Variants in WDFY2 observed in about 807,000 individuals in gnomAD.
The protein encoded by WDFY2 is WD repeat and FYVE domain-containing protein 2.
In WDFY2, 36 loss-of-function variants were observed where a neutral mutation model predicts 56.4. The ratio of observed to expected loss-of-function variants is 0.64; its 90% CI spans 0.49 to 0.84. WDFY2 has a LOEUF of 0.84. WDFY2 is among the 40% of genes least tolerant of loss of function. The pLI is 0.00. For synonymous variants in WDFY2, 176 were observed against 183.7 expected (o/e 0.96, Z 0.34); for missense variants, 444 against 512.2 (o/e 0.87, Z 1.29).
At chr13:51,651,023 G>A (rs1231797866) in intron 1 of WDFY2, among the ~76,000 whole-genome samples, 3 of 152,164 alleles carry the variant, frequency 2.0e-5, no homozygotes, top group South Asian at 2.1e-4. Flanking sequence ...GGTAGAATTC[G>A]GCTGTGACTG....
chr13:51,730,936 A>C (rs1158586329), intron 6 of WDFY2, among the ~76,000 whole-genome samples: 1 of 152,218 alleles, frequency 6.6e-6, no homozygotes, highest in East Asian at 1.9e-4. Context: ...CACTGAGACC[A>C]TGCTGGGCAT....
At chr13:51,662,254 C>T (rs549377313) in intron 2 of WDFY2, among the ~76,000 whole-genome samples, 14 of 152,302 alleles carry the variant, frequency 9.2e-5, no homozygotes, top group African/African-American at 2.6e-4. Flanking sequence ...GCATGAGCCA[C>T]CACGCCTAGC....
intron 4 of WDFY2, among the ~76,000 whole-genome samples, chr13:51,713,514 G>T (rs1422480544): frequency 6.6e-6 from 1 of 152,114 alleles, no homozygotes; most frequent in Non-Finnish European, 1.5e-5. Context: ...ACCTTAAAAG[G>T]GTAGGAAGTT....
At chr13:51,691,540 C>T (rs1396685996) in intron 3 of WDFY2, among the ~76,000 whole-genome samples, 13 of 151,518 alleles carry the variant, frequency 8.6e-5, no homozygotes, top group Middle Eastern at 3.4e-3. Flanking sequence ...GGCTCTGTTC[C>T]GTTCCATTGA....
chr13:51,695,512 G>A (rs1055774427), intron 3 of WDFY2, among the ~76,000 whole-genome samples: 2 of 152,164 alleles, frequency 1.3e-5, no homozygotes, highest in Admixed American at 1.3e-4. Flanking sequence ...TCATGAACCG[G>A]GAATGCTGCT....
chr13:51,677,682 G>A lies in WDFY2; in HGVS notation c.279+2439G>A, dbSNP rs190980013. 3.2e-3 allele frequency among the ~76,000 whole-genome samples: 481 copies of A among 152,254 alleles called. 3 individuals are homozygous for A. The highest frequency in any genetic ancestry group is 0.011 in the African/African-American group (464 of 41,550). ...TAGACAGTTAAACTTAGGCAGCTGA[G>A]TAGTGAATTAGAGATGAAGTAGAAA... On this transcript the variant is annotated intron_variant, in intron 3 of 11. Coordinates refer to ENST00000298125, the MANE Select transcript of WDFY2 (RefSeq NM_052950.4).
chr13:51,733,507 G>A (rs994907407), intron 6 of WDFY2, among the ~76,000 whole-genome samples: 7 of 152,194 alleles, frequency 4.6e-5, no homozygotes, highest in African/African-American at 1.7e-4. Flanking sequence ...TCAGGTTGGC[G>A]GGAAACCAGT....
At chr13:51,670,489 G>GCACACACACACACACACA (rs55984632) in intron 2 of WDFY2, among the ~76,000 whole-genome samples, 1 of 131,420 alleles carries the variant, frequency 7.6e-6, no homozygotes, top group African/African-American at 2.9e-5. Context: ...GTGCGCACAT[G>GCACACACACACACACACA]CACACACACA....
intron 7 of WDFY2, among the ~76,000 whole-genome samples, chr13:51,742,463 G>A (rs17532524): frequency 0.13 from 18,994 of 151,374 alleles, 1,466 homozygotes; most frequent in South Asian, 0.21. Flanking sequence ...TCCAGATTCC[G>A]GGACCAGTTA....
At chr13:51,638,125 CAG>C (rs1955087258) in intron 1 of WDFY2, among the ~76,000 whole-genome samples, 1 of 152,176 alleles carries the variant, frequency 6.6e-6, no homozygotes, top group Admixed American at 6.5e-5. Context: ...GAGAAACAGA[CAG>C]AGGTCAGATC....
At chr13:51,755,236 G>A (rs1257000646) in intron 8 of WDFY2, 122 bp from the exon 9 acceptor site, 2 of 898,640 alleles carry the variant, frequency 2.2e-6, no homozygotes, top group Non-Finnish European at 1.7e-6. Context: ...GATTGACTGA[G>A]AAATCACACC....
Position 51,710,415 on chromosome 13 carries a change from A to G in WDFY2, c.334+6765A>G, listed in dbSNP as rs538738284. 3.3e-5 allele frequency among the ~76,000 whole-genome samples: 5 copies of G among 152,238 alleles called. No individual in the cohort carries two copies. The South Asian group carries it at 8.3e-4, about 25-fold the overall frequency. The stretch of plus-strand genomic sequence containing the variant: ...CCCTCTCTCACCACTCCTATTCAAC[A>G]TAGTGTTGGAAGTTCTGGCCAGGGC... On this transcript the variant is annotated intron_variant, in intron 4 of 11. Transcript: ENST00000298125.
rs1207079212 is a variant in WDFY2, at chr13:51,675,185, T to A, written c.221T>A (p.Met74Lys). 1 of 1,613,988 alleles carries A rather than the reference T, an allele frequency of 6.2e-7. No individual in the cohort carries two copies. The highest frequency in any genetic ancestry group is 8.5e-7 in the Non-Finnish European group (1 of 1,179,902). The change falls in exon 3 of 12, where the codon ATG becomes AAG. Residue 74 changes from methionine to lysine, a missense_variant. By Grantham distance (95) the Met-to-Lys change is moderately conservative (BLOSUM62 -1). Coordinates refer to ENST00000298125, the MANE Select transcript of WDFY2 (RefSeq NM_052950.4). Reference protein sequence around the residue: ...YHAMPSPCSCMSFNPETRRLS... With the variant: ...YHAMPSPCSCKSFNPETRRLS... ...TTTCTTTCAGCTCCATGTTCATGCA[T>A]GTCTTTTAACCCGGAAACAAGAAGA...
In WDFY2 at chr13:51,584,512, C is replaced by A; in HGVS notation, c.-176C>A. The stretch of plus-strand genomic sequence containing the variant: ...GTCGTGGCGGTTTTGGTGCCTGAAG[C>A]AGGGAGCGCGGAGTCGTTCCCGAGA... On this transcript the variant is annotated 5_prime_UTR_variant, in exon 1 of 12. Transcript: ENST00000298125. The A allele has an allele frequency of 2.4e-6, 2 of 843,318 alleles. No individual in the cohort carries two copies. The highest frequency in any genetic ancestry group is 5.7e-5 in the East Asian group (2 of 34,854). 52.2% of individuals were successfully genotyped at this position (843,318 alleles called of 1,614,324 possible).
At position 51,737,018 on chromosome 13, in the gene WDFY2, C is replaced by G. The variant is rs750615269; in HGVS notation, c.599-2031C>G. Among the ~76,000 whole-genome samples, 7 of 152,244 alleles carry G rather than the reference C, an allele frequency of 4.6e-5. No homozygotes were observed. In the South Asian group the frequency reaches 1.0e-3, roughly 23 times the overall value. ...ATCTGATAATGATGCCTTAAAGAAC[C>G]TAAGCTACCCATTTCACGTGTTATA... On this transcript the variant is annotated intron_variant, in intron 6 of 11. Coordinates refer to ENST00000298125, the MANE Select transcript of WDFY2 (RefSeq NM_052950.4).
chr13:51,652,294 G>C lies in WDFY2; in HGVS notation c.138-8302G>C, dbSNP rs1214002241. Among the ~76,000 whole-genome samples, 42 of 152,148 alleles carry C rather than the reference G, an allele frequency of 2.8e-4. 1 individual carries two copies. The highest frequency in any genetic ancestry group is 1.5e-5 in the Non-Finnish European group (1 of 68,036). On this transcript the variant is annotated intron_variant, in intron 1 of 11. Coordinates refer to ENST00000298125, the MANE Select transcript of WDFY2 (RefSeq NM_052950.4). Reference sequence around the variant, plus strand: ...CCATCCCTTTATTTTGAGCCTATGTGTGTCTCTGCATGTGAGATGGGTTTC... The same window carrying C: ...CCATCCCTTTATTTTGAGCCTATGTCTGTCTCTGCATGTGAGATGGGTTTC...
chr13:51,724,007 T>A (rs1431659522), intron 5 of WDFY2, among the ~76,000 whole-genome samples: 1 of 152,142 alleles, frequency 6.6e-6, no homozygotes, highest in Non-Finnish European at 1.5e-5. Flanking sequence ...GTCTTTTTAG[T>A]TCCTAATTTT....
At chr13:51,616,566 TA>T (rs1458800242) in intron 1 of WDFY2, among the ~76,000 whole-genome samples, 1 of 152,214 alleles carries the variant, frequency 6.6e-6, no homozygotes, top group Non-Finnish European at 1.5e-5. Flanking sequence ...TGTGATAGGC[TA>T]ACTGAGGCTC....
At chr13:51,727,329 A>G (rs1952625449) in intron 5 of WDFY2, among the ~76,000 whole-genome samples, 1 of 152,208 alleles carries the variant, frequency 6.6e-6, no homozygotes, top group Non-Finnish European at 1.5e-5. Context: ...TCCCTATCAC[A>G]TACCATATTG....
Sources: allele counts gnomAD v4.1 joint callset (sites outside exome capture counted in the v4.1 genomes callset), GRCh38; gene constraint gnomAD v4.1.1; transcripts MANE v1.5; gene names NCBI Gene and HGNC (gene_info 2026-07-23, HGNC 2026-07-21).